The following CACNA2D3 variants were observed in gnomAD, a reference collection of about 807,000 sequenced individuals.
CACNA2D3 encodes the protein voltage-dependent calcium channel subunit alpha-2/delta-3.
A neutral mutation model predicts 160.6 loss-of-function variants in CACNA2D3; 60 were observed. The observed-to-expected ratio is 0.37, with a 90% CI of 0.30 to 0.46. CACNA2D3 has a LOEUF of 0.46. Among genes scored for constraint, CACNA2D3 ranks in the 20% least tolerant of loss-of-function variants. The pLI is 1.00. For missense variants in CACNA2D3, 1,205 were observed against 1,365.0 expected, an observed-to-expected ratio of 0.88 and a Z score of 1.85; for synonymous variants, 558 against 492.9, an observed-to-expected ratio of 1.13 and a Z score of -1.75.
At position 54,513,144 on chromosome 3, in the gene CACNA2D3, A is replaced by G. The variant is rs1172923395; in HGVS notation, c.544+9490A>G. 9.2e-5 allele frequency among the ~76,000 whole-genome samples: 14 copies of G among 152,326 alleles called. No individual in the cohort carries two copies. The East Asian group carries it at 2.7e-3, about 29-fold the overall frequency. On this transcript the variant is annotated intron_variant, in intron 5 of 37. Transcript: ENST00000474759. Reference sequence around the variant, plus strand: ...CACAGCCAAACCATATCAGGCTTTAAGTAATGCTCTGCTTTCCTTTTGCTG... The same window carrying G: ...CACAGCCAAACCATATCAGGCTTTAGGTAATGCTCTGCTTTCCTTTTGCTG...
At chr3:55,053,466 T>C (rs1477169957) in intron 35 of CACNA2D3, among the ~76,000 whole-genome samples, 3 of 152,002 alleles carry the variant, frequency 2.0e-5, no homozygotes, top group African/African-American at 7.2e-5. Flanking sequence ...TCCTTTAAAT[T>C]CTAACAGCAA....
intron 11 of CACNA2D3, among the ~76,000 whole-genome samples, chr3:54,691,198 T>G (rs572372245): frequency 8.5e-5 from 13 of 152,304 alleles, no homozygotes; most frequent in Non-Finnish European, 1.6e-4. Context: ...AAAACGAAGC[T>G]ACGCTGCAGA....
intron 33 of CACNA2D3, among the ~76,000 whole-genome samples, chr3:55,008,414 C>A (rs1014124198): frequency 6.6e-6 from 1 of 152,138 alleles, no homozygotes; most frequent in African/African-American, 2.4e-5. Context: ...TACAGAAACA[C>A]CGTGTCACAC....
At chr3:54,456,295 G>A (rs1168689042) in intron 4 of CACNA2D3, among the ~76,000 whole-genome samples, 1 of 151,786 alleles carries the variant, frequency 6.6e-6, no homozygotes, top group African/African-American at 2.4e-5. Flanking sequence ...TTATTCTTAA[G>A]TATTTTATTT....
intron 11 of CACNA2D3, among the ~76,000 whole-genome samples, chr3:54,711,504 T>C (rs9853375): frequency 0.037 from 5,628 of 152,308 alleles, 329 homozygotes; most frequent in African/African-American, 0.13. Context: ...TCTCTTTTTA[T>C]CTTATAAAAG....
At chr3:54,685,265 A>C (rs1206220181) in intron 11 of CACNA2D3, among the ~76,000 whole-genome samples, 3 of 152,234 alleles carry the variant, frequency 2.0e-5, no homozygotes, top group Non-Finnish European at 4.4e-5. Context: ...GGAGGTCCTC[A>C]AAGTTTTTCT....
chr3:55,049,736 C>G (rs1466997695), intron 35 of CACNA2D3, among the ~76,000 whole-genome samples: 2 of 149,064 alleles, frequency 1.3e-5, no homozygotes, highest in African/African-American at 2.5e-5. Flanking sequence ...GTGTGGGAGT[C>G]TAAGTCTCTT....
At chr3:54,423,400 A>G (rs536255573) in intron 4 of CACNA2D3, among the ~76,000 whole-genome samples, 1 of 152,314 alleles carries the variant, frequency 6.6e-6, no homozygotes, top group Admixed American at 6.5e-5. Flanking sequence ...TCAGGATCCT[A>G]CCTGGCGTTT....
chr3:54,277,153 T>G (rs925127458), intron 2 of CACNA2D3, among the ~76,000 whole-genome samples: 5 of 152,380 alleles, frequency 3.3e-5, no homozygotes, highest in Non-Finnish European at 7.3e-5. Context: ...ACTGGGTTGC[T>G]GCCATTCACA....
intron 13 of CACNA2D3, among the ~76,000 whole-genome samples, chr3:54,767,967 A>G: frequency 6.6e-6 from 1 of 152,184 alleles, no homozygotes; most frequent in East Asian, 1.9e-4. Flanking sequence ...AGAAGAGTGC[A>G]GTGTATGATG....
At chr3:54,558,152 T>C (rs914667455) in intron 5 of CACNA2D3, among the ~76,000 whole-genome samples, 2 of 152,220 alleles carry the variant, frequency 1.3e-5, no homozygotes, top group Non-Finnish European at 2.9e-5. Flanking sequence ...ATTATGTTGC[T>C]CATTGTTTCC....
intron 3 of CACNA2D3, among the ~76,000 whole-genome samples, chr3:54,371,860 T>G (rs1698931192): frequency 6.6e-6 from 1 of 152,210 alleles, no homozygotes; most frequent in Non-Finnish European, 1.5e-5. Flanking sequence ...AATAACATGT[T>G]TGGTGGAAAA....
intron 2 of CACNA2D3, among the ~76,000 whole-genome samples, chr3:54,183,103 T>A (rs1304701607): frequency 3.3e-5 from 5 of 152,158 alleles, no homozygotes; most frequent in African/African-American, 7.2e-5. Flanking sequence ...TTTTTCATGT[T>A]GTGAAATGTA....
chr3:55,015,296 A>G (rs555805411), intron 34 of CACNA2D3, among the ~76,000 whole-genome samples: 1 of 152,328 alleles, frequency 6.6e-6, no homozygotes, highest in South Asian at 2.1e-4. Context: ...CCACATACTC[A>G]GTGGATGAAT....
At chr3:54,616,404 T>TC (rs1698851761) in intron 9 of CACNA2D3, among the ~76,000 whole-genome samples, 1 of 152,242 alleles carries the variant, frequency 6.6e-6, no homozygotes, top group Admixed American at 6.5e-5. Flanking sequence ...GTTGGCTTCC[T>TC]CCAGAGGGAG....
chr3:54,443,052 T>C (rs1432956687), intron 4 of CACNA2D3, among the ~76,000 whole-genome samples: 1 of 152,166 alleles, frequency 6.6e-6, no homozygotes, highest in African/African-American at 2.4e-5. Flanking sequence ...AATGGAACTT[T>C]TAAAGGTGTA....
At chr3:54,668,548 T>C (rs986529387) in intron 11 of CACNA2D3, among the ~76,000 whole-genome samples, 2 of 152,258 alleles carry the variant, frequency 1.3e-5, no homozygotes, top group Non-Finnish European at 2.9e-5. Flanking sequence ...GGAAATGCAC[T>C]CTAGGCTCAC....
At chr3:54,286,254 G>C (rs564521487) in intron 2 of CACNA2D3, among the ~76,000 whole-genome samples, 1 of 152,226 alleles carries the variant, frequency 6.6e-6, no homozygotes, top group Non-Finnish European at 1.5e-5. Context: ...GGAGCTGAAA[G>C]CCAAGGCTCG....
intron 35 of CACNA2D3, among the ~76,000 whole-genome samples, chr3:55,051,161 T>C (rs1704197664): frequency 1.3e-5 from 2 of 152,176 alleles, no homozygotes; most frequent in African/African-American, 4.8e-5. Flanking sequence ...CTGTGTTCCT[T>C]TGGAGGAGGA....
Sources: gnomAD v4.1 joint callset for allele counts (sites outside exome capture counted in the v4.1 genomes callset) on GRCh38, gnomAD v4.1.1 for gene constraint, MANE v1.5 for transcripts, NCBI Gene and HGNC (gene_info 2026-07-23, HGNC 2026-07-21) for gene names.